Variants in RASEF observed in about 807,000 individuals in gnomAD.
RASEF encodes the protein ras and EF-hand domain-containing protein.
In RASEF, 68 loss-of-function variants were observed where a neutral mutation model predicts 90.1. The ratio of observed to expected loss-of-function variants is 0.75; its 90% CI spans 0.62 to 0.92. The LOEUF is 0.92. Ranked by LOEUF, RASEF falls within the 40% of genes least tolerant of loss-of-function variation. The probability of loss-of-function intolerance (pLI) is 0.00; values close to 1 mark genes in which losing one functional copy is unlikely to be tolerated. For missense variants in RASEF, 949 were observed against 937.2 expected (o/e 1.01, Z -0.16); for synonymous variants, 331 against 345.2 (o/e 0.96, Z 0.46).
rs1049262446 is a variant in RASEF, at chr9:82,980,262, A to C, written c.*2415T>G. The C allele has an allele frequency of 1.3e-5, 2 of 152,330 alleles. No homozygotes were observed. Among genetic ancestry groups the C allele is most frequent in the East Asian group, 1.9e-4 (1 of 5,184 alleles). The allele number at this position is 152,330 out of a possible 1,614,324, so 9.4% of individuals were successfully genotyped here. On this transcript the variant is annotated 3_prime_UTR_variant, in exon 17 of 17. Transcript: ENST00000376447. ...ACATTAAATATTTTTGTTCTTACTG[A>C]AAATGTGCTTTAAATTTGAGAACAC...
chr9:83,126,618 T>C, the RASEF span, among the ~76,000 whole-genome samples: 6 of 152,158 alleles, frequency 3.9e-5, no homozygotes, highest in Non-Finnish European at 1.5e-5. Context: ...AAGATTAAAG[T>C]TGGTGCATTA....
At chr9:83,016,417 G>A (rs772163007) in intron 3 of RASEF, among the ~76,000 whole-genome samples, 1 of 152,000 alleles carries the variant, frequency 6.6e-6, no homozygotes, top group Non-Finnish European at 1.5e-5. Context: ...TTCTGGAGCA[G>A]AGAATGGCAG....
In RASEF at chr9:83,047,995, C is replaced by T. The variant is rs371343385; in HGVS notation, c.431+14442G>A. 6.0e-5 allele frequency: 25 copies of T among 416,674 alleles called. No homozygotes were observed. The East Asian group carries it at 2.1e-3, about 34-fold the overall frequency. The allele number at this position is 416,674 out of a possible 1,614,324, so 25.8% of individuals were successfully genotyped here. On this transcript the variant is annotated intron_variant, in intron 1 of 16. Transcript: ENST00000376447. Reference sequence around the variant, plus strand: ...TCACTGTCAACATTTGGACCTGCATCGTGCATGGCAGCTGCTGTCCAGAGC... The same window carrying T: ...TCACTGTCAACATTTGGACCTGCATTGTGCATGGCAGCTGCTGTCCAGAGC...
chr9:83,216,688 C>T, the RASEF span, among the ~76,000 whole-genome samples: 1 of 152,172 alleles, frequency 6.6e-6, no homozygotes, highest in South Asian at 2.1e-4. Context: ...ACAGAGTCCC[C>T]ACTGGGGCAC....
the RASEF span, among the ~76,000 whole-genome samples, chr9:83,106,400 C>T: frequency 0.083 from 12,657 of 152,186 alleles, 1,747 homozygotes; most frequent in African/African-American, 0.29. Flanking sequence ...ACCCCTATGT[C>T]ATGTGTGACA....
intron 2 of RASEF, among the ~76,000 whole-genome samples, chr9:83,025,255 T>A (rs1389607655): frequency 4.0e-5 from 6 of 151,718 alleles, no homozygotes; most frequent in Non-Finnish European, 5.9e-5. Context: ...GTAGAGAGAG[T>A]CAAAGCAGCA....
the RASEF span, among the ~76,000 whole-genome samples, chr9:83,161,835 T>A: frequency 6.6e-6 from 1 of 152,036 alleles, no homozygotes; most frequent in Non-Finnish European, 1.5e-5. Flanking sequence ...ATAGTGAGTC[T>A]TAGGAGATCT....
At chr9:83,127,494 G>C in the RASEF span, among the ~76,000 whole-genome samples, 1 of 152,114 alleles carries the variant, frequency 6.6e-6, no homozygotes, top group Admixed American at 6.6e-5. Context: ...AAAGAAAAGG[G>C]CTCAAAGAGA....
At chr9:83,108,616 T>C in the RASEF span, among the ~76,000 whole-genome samples, 1 of 152,168 alleles carries the variant, frequency 6.6e-6, no homozygotes, top group South Asian at 2.1e-4. Flanking sequence ...TGTGATATAA[T>C]TTTAGGAAGT....
At chr9:83,101,968 T>C in the RASEF span, among the ~76,000 whole-genome samples, 1 of 152,294 alleles carries the variant, frequency 6.6e-6, no homozygotes, top group East Asian at 1.9e-4. Flanking sequence ...CACAGCCTTC[T>C]TGCACTCAGA....
At chr9:83,020,841 C>T (rs1367590433) in intron 3 of RASEF, among the ~76,000 whole-genome samples, 3 of 152,076 alleles carry the variant, frequency 2.0e-5, no homozygotes, top group African/African-American at 4.8e-5. Context: ...AATTTGTGCA[C>T]AGATTAAACA....
chr9:83,023,552 G>A (rs571552815), intron 2 of RASEF, among the ~76,000 whole-genome samples: 2 of 152,228 alleles, frequency 1.3e-5, no homozygotes, highest in South Asian at 4.1e-4. Context: ...TATTATGGGA[G>A]GAAAAAGACC....
At chr9:83,041,261 T>C (rs540436540) in intron 1 of RASEF, among the ~76,000 whole-genome samples, 107 of 152,370 alleles carry the variant, frequency 7.0e-4, no homozygotes, top group Non-Finnish European at 1.5e-3. Flanking sequence ...CTTTGAATTA[T>C]GTTAAAACTA....
chr9:83,043,620 T>C (rs574286109), intron 1 of RASEF, among the ~76,000 whole-genome samples: 3 of 152,354 alleles, frequency 2.0e-5, no homozygotes, highest in East Asian at 3.9e-4. Context: ...AACTCAGTCA[T>C]GAACATCTCA....
At chr9:83,188,195 A>G in the RASEF span, among the ~76,000 whole-genome samples, 1 of 152,192 alleles carries the variant, frequency 6.6e-6, no homozygotes, top group South Asian at 2.1e-4. Flanking sequence ...TTCCCCTAGC[A>G]TCTAATTTAC....
At chr9:83,061,731 C>T (rs921804094) in intron 1 of RASEF, among the ~76,000 whole-genome samples, 2 of 152,212 alleles carry the variant, frequency 1.3e-5, no homozygotes, top group African/African-American at 4.8e-5. Context: ...AGAGAATATA[C>T]TGTGTCATTT....
At chr9:82,997,644 T>A (rs974654586) in intron 13 of RASEF, among the ~76,000 whole-genome samples, 1 of 152,194 alleles carries the variant, frequency 6.6e-6, no homozygotes, top group Admixed American at 6.5e-5. Context: ...TCAACACACA[T>A]GCCCTAACTT....
chr9:83,191,530 G>A, the RASEF span, among the ~76,000 whole-genome samples: 2 of 152,274 alleles, frequency 1.3e-5, no homozygotes, highest in South Asian at 4.1e-4. Context: ...GTATATCTTG[G>A]TCAGAATATT....
chr9:83,180,493 T>G, the RASEF span, among the ~76,000 whole-genome samples: 1 of 151,928 alleles, frequency 6.6e-6, no homozygotes, highest in Non-Finnish European at 1.5e-5. Context: ...CTTTTTTTTT[T>G]TTCAAAACAT....
Sources: allele counts gnomAD v4.1 joint callset (sites outside exome capture counted in the v4.1 genomes callset), GRCh38; gene constraint gnomAD v4.1.1; transcripts MANE v1.5; gene names NCBI Gene and HGNC (gene_info 2026-07-23, HGNC 2026-07-21).